Variants in DAB1 observed in about 807,000 individuals in gnomAD.
DAB1 encodes the protein disabled homolog 1.
In DAB1, 15 loss-of-function variants were observed where a neutral mutation model predicts 64.6. The observed-to-expected ratio is 0.23, with a 90% confidence interval of 0.16 to 0.36. The LOEUF (loss-of-function observed/expected upper bound fraction) is 0.36. Among genes scored for constraint, DAB1 ranks in the 10% least tolerant of loss-of-function variants. The pLI, the probability that DAB1 is intolerant of heterozygous loss-of-function variation, is 1.00. For missense variants in DAB1, 596 were observed against 706.7 expected (o/e 0.84, Z 1.78); for synonymous variants, 235 against 251.9 (o/e 0.93, Z 0.64).
chr1:57,209,034 T>C (rs1431708004), intron 2 of DAB1, among the ~76,000 whole-genome samples: 1 of 152,210 alleles, frequency 6.6e-6, no homozygotes, highest in Non-Finnish European at 1.5e-5. Flanking sequence ...CTTGAGAAGG[T>C]GAGCTGCAGA....
At chr1:57,502,696 C>T (rs1479148795) in intron 7 of DAB1, among the ~76,000 whole-genome samples, 2 of 152,134 alleles carry the variant, frequency 1.3e-5, no homozygotes, top group East Asian at 3.9e-4. Flanking sequence ...TTTAACAAGT[C>T]TGTCTGATGG....
intron 5 of DAB1, among the ~76,000 whole-genome samples, chr1:57,963,841 G>T: frequency 6.6e-6 from 1 of 152,208 alleles, no homozygotes; most frequent in East Asian, 1.9e-4. Flanking sequence ...ATTTGGCAGT[G>T]CTTCTGTGCA....
chr1:58,209,599 C>G (rs1158810771), intron 4 of DAB1, among the ~76,000 whole-genome samples: 2 of 152,018 alleles, frequency 1.3e-5, no homozygotes, highest in Admixed American at 6.6e-5. Flanking sequence ...ACTGTGTAGA[C>G]CTTCCAGCAC....
At position 57,136,638 on chromosome 1, in the gene DAB1, C is replaced by T. The variant is rs1855377; in HGVS notation, c.211G>A (p.Val71Ile). The change falls in exon 4 of 15, where the codon GTT becomes ATT. Residue 71 changes from valine (V) to isoleucine (I), a missense_variant. Physicochemically the swap from Val to Ile is conservative, Grantham distance 29. Transcript: ENST00000371236. The stretch of plus-strand genomic sequence containing the variant: ...CCTTTGGAACGAGCGCCAGCAACAA[C>T]GCCCTGTTGAAAGGAAGAACATGGT... Reference protein sequence around the residue: ...CQDSMMKLKGVVAGARSKGEH... With the variant: ...CQDSMMKLKGIVAGARSKGEH... The T allele has an allele frequency of 1.5e-3, 2,263 of 1,511,466 alleles. 33 individuals carry two copies. The African/African-American group carries it at 0.027, about 18-fold the overall frequency. 93.6% of individuals were successfully genotyped at this position (1,511,466 alleles called of 1,614,324 possible).
intron 7 of DAB1, among the ~76,000 whole-genome samples, chr1:57,475,528 G>A (rs1643925105): frequency 6.6e-6 from 1 of 152,228 alleles, no homozygotes; most frequent in Non-Finnish European, 1.5e-5. Flanking sequence ...GGAAATCAAG[G>A]CAGAGAGAGG....
intron 7 of DAB1, among the ~76,000 whole-genome samples, chr1:57,630,332 A>C: frequency 6.6e-6 from 1 of 152,310 alleles, no homozygotes; most frequent in South Asian, 2.1e-4. Context: ...ATTATTTTTA[A>C]GAATGATGAA....
chr1:58,200,973 C>T (rs747496708), intron 4 of DAB1, among the ~76,000 whole-genome samples: 1 of 151,954 alleles, frequency 6.6e-6, no homozygotes, highest in Non-Finnish European at 1.5e-5. Context: ...TGGACTTCCT[C>T]AGCACCAGTC....
intron 4 of DAB1, among the ~76,000 whole-genome samples, chr1:58,295,761 G>A (rs74999789): frequency 0.027 from 4,160 of 152,072 alleles, 89 homozygotes; most frequent in African/African-American, 0.049. Context: ...GAACGCAAGG[G>A]GCAGAGGTGC....
At chr1:58,411,052 A>C (rs751505972) in intron 3 of DAB1, among the ~76,000 whole-genome samples, 1 of 152,198 alleles carries the variant, frequency 6.6e-6, no homozygotes, top group Non-Finnish European at 1.5e-5. Context: ...GTACTGTGCA[A>C]TAATGTGCTC....
At chr1:57,240,947 G>A (rs532635893) in intron 2 of DAB1, among the ~76,000 whole-genome samples, 3 of 152,126 alleles carry the variant, frequency 2.0e-5, no homozygotes, top group Non-Finnish European at 4.4e-5. Flanking sequence ...GCATCTCCTG[G>A]TGGGATTTTT....
chr1:57,781,126 C>CTCTATA (rs1557477160), intron 6 of DAB1, among the ~76,000 whole-genome samples: 4 of 27,726 alleles, frequency 1.4e-4, no homozygotes, highest in African/African-American at 2.8e-4. Context: ...CTCTCTCTCT[C>CTCTATA]TATATATATA....
chr1:57,612,425 C>G (rs978711147), intron 7 of DAB1, among the ~76,000 whole-genome samples: 1 of 151,336 alleles, frequency 6.6e-6, no homozygotes, highest in Admixed American at 6.6e-5. Flanking sequence ...CTGGGTGGGC[C>G]CAATATAATT....
At chr1:57,226,675 ATAT>A (rs1557978332) in intron 2 of DAB1, among the ~76,000 whole-genome samples, 193 of 125,780 alleles carry the variant, frequency 1.5e-3, no homozygotes, top group East Asian at 0.012. Context: ...AAAAAAAAAT[ATAT>A]ATATATATAT....
chr1:58,279,586 G>A lies in DAB1; in HGVS notation n.309+63766C>T, dbSNP rs79705891. On this transcript the variant is annotated intron_variant and non_coding_transcript_variant, in intron 4 of 20. Transcript: ENST00000485760. Reference sequence around the variant, plus strand: ...CTGAGTTTCAGAGAGGTGGAAGTACGTCTCTAAAGTAGCAACTCTGAGATT... The same window carrying A: ...CTGAGTTTCAGAGAGGTGGAAGTACATCTCTAAAGTAGCAACTCTGAGATT... Among the ~76,000 whole-genome samples, 199 of 152,292 alleles carry A rather than the reference G, an allele frequency of 1.3e-3. 1 individual carries two copies. The highest frequency in any genetic ancestry group is 3.7e-3 in the African/African-American group (154 of 41,572).
chr1:57,440,171 T>A (rs1193953167), intron 7 of DAB1, among the ~76,000 whole-genome samples: 1 of 152,256 alleles, frequency 6.6e-6, no homozygotes, highest in Non-Finnish European at 1.5e-5. Context: ...CCATTCTTTC[T>A]TCTTTGATTC....
intron 6 of DAB1, among the ~76,000 whole-genome samples, chr1:57,814,330 C>T (rs2101888361): frequency 6.6e-6 from 1 of 152,268 alleles, no homozygotes; most frequent in Admixed American, 6.5e-5. Context: ...ACAATTATGG[C>T]CCTGGCCTTA....
At chr1:57,514,908 A>G (rs2101360086) in intron 7 of DAB1, among the ~76,000 whole-genome samples, 1 of 152,318 alleles carries the variant, frequency 6.6e-6, no homozygotes, top group Admixed American at 6.5e-5. Context: ...ATGAGTAATT[A>G]TGTACAAGGT....
intron 1 of DAB1, among the ~76,000 whole-genome samples, chr1:57,391,654 A>G (rs1184195045): frequency 6.6e-6 from 1 of 152,132 alleles, no homozygotes. Context: ...TCACGACCCC[A>G]CAAATGTGTC....
intron 5 of DAB1, among the ~76,000 whole-genome samples, chr1:57,934,666 C>T (rs1207923793): frequency 6.6e-6 from 1 of 152,110 alleles, no homozygotes; most frequent in African/African-American, 2.4e-5. Flanking sequence ...CTGACTTGCC[C>T]AAGACCAGGA....
Sources: gnomAD v4.1 joint callset for allele counts (sites outside exome capture counted in the v4.1 genomes callset) on GRCh38, gnomAD v4.1.1 for gene constraint, MANE v1.5 for transcripts, NCBI Gene and HGNC (gene_info 2026-07-23, HGNC 2026-07-21) for gene names.